Variants in GREB1L observed in about 807,000 individuals in gnomAD.
GREB1L encodes the protein GREB1-like protein.
In GREB1L, 17 loss-of-function variants were observed where a neutral mutation model predicts 200.8. That is an observed-to-expected ratio of 0.08 (90% confidence interval 0.06 to 0.13). GREB1L has a LOEUF of 0.13. GREB1L is among the 10% of genes least tolerant of loss of function. GREB1L has a pLI of 1.00. For synonymous variants in GREB1L, 789 were observed against 893.0 expected (o/e 0.88, Z 2.08); for missense variants, 1,657 against 2,367.7 (o/e 0.70, Z 6.23).
At chr18:21,441,768 A>G (rs1232544563) in intron 10 of GREB1L, among the ~76,000 whole-genome samples, 1 of 152,182 alleles carries the variant, frequency 6.6e-6, no homozygotes, top group East Asian at 1.9e-4. Flanking sequence ...CTCACCTCGC[A>G]TGAGCCACCA....
At chr18:21,443,264 G>T (rs181958363) in intron 10 of GREB1L, among the ~76,000 whole-genome samples, 10 of 151,392 alleles carry the variant, frequency 6.6e-5, no homozygotes, top group African/African-American at 2.4e-4. Flanking sequence ...GTGCAGTGGC[G>T]CGATCTCGGC....
intron 31 of GREB1L, 44 bp from the exon 32 acceptor site, chr18:21,520,644 C>G: frequency 6.5e-7 from 1 of 1,548,882 alleles, no homozygotes; most frequent in Non-Finnish European, 8.7e-7. Context: ...AGATATTTTG[C>G]TTGCTCTTGA....
rs1415277701 is a variant in GREB1L, at chr18:21,485,701, C to A, written c.2638C>A (p.Leu880Ile). 7 of 1,551,568 alleles carry A rather than the reference C, an allele frequency of 4.5e-6. No individual in the cohort carries two copies. The East Asian group carries it at 1.7e-4, about 38-fold the overall frequency. Residue 880 changes from leucine to isoleucine, a missense_variant, in exon 18 of 33, where the codon CTT (leucine) becomes ATT (isoleucine). Leu to Ile is a conservative substitution (Grantham distance 5). Transcript: ENST00000424526. ...KSLQWGITSP[L>I]LRCDETFEKM... ...TCTGCAGTGGGGGATCACGAGCCCACTTCTGAGATGTGACGAGACTTTTGA... is the reference window on the plus strand; with the variant it reads ...TCTGCAGTGGGGGATCACGAGCCCAATTCTGAGATGTGACGAGACTTTTGA...
At chr18:21,501,124 A>G (rs898757054) in intron 23 of GREB1L, among the ~76,000 whole-genome samples, 1 of 151,600 alleles carries the variant, frequency 6.6e-6, no homozygotes, top group African/African-American at 2.4e-5. Context: ...GTGCCCGGCA[A>G]ATAGTTCTGA....
At chr18:21,462,866 A>G (rs1287952086) in intron 15 of GREB1L, among the ~76,000 whole-genome samples, 1 of 152,220 alleles carries the variant, frequency 6.6e-6, no homozygotes, top group Non-Finnish European at 1.5e-5. Context: ...GGAAAGGCAA[A>G]CTTAAAATTT....
At position 21,395,523 on chromosome 18, in the gene GREB1L, G is replaced by A. The variant is rs767125568; in HGVS notation, c.494G>A (p.Arg165Gln). Residue 165 changes from arginine to glutamine, a missense_variant, in exon 5 of 33, where the codon CGA (arginine) becomes CAA (glutamine). Transcript: ENST00000424526. ...ATCCTAGTTTGTGCTGTGGACAAGC[G>A]ATTTCTACCAGATGATCATGGAAAA... The part of the protein sequence containing the change: ...EHILVCAVDK[R>Q]FLPDDHGKNA... 39 of 1,550,102 alleles carry A rather than the reference G, an allele frequency of 2.5e-5. No homozygotes were observed. Among genetic ancestry groups the A allele is most frequent in the Admixed American group, 3.9e-5 (2 of 50,692 alleles).
intron 4 of GREB1L, among the ~76,000 whole-genome samples, chr18:21,389,594 C>T (rs2040709064): frequency 6.6e-6 from 1 of 152,064 alleles, no homozygotes; most frequent in South Asian, 2.1e-4. Context: ...AATCTCTCTT[C>T]CCTAGAAAAT....
In GREB1L at chr18:21,464,501, G is replaced by A. The variant is rs563384017; in HGVS notation, c.2183-8530G>A. Among the ~76,000 whole-genome samples the A allele has an allele frequency of 4.9e-5, 7 of 143,360 alleles. No individual in the cohort carries two copies. In the East Asian group the frequency reaches 8.2e-4, roughly 17 times the overall value. 94.0% of individuals were successfully genotyped at this position (143,360 alleles called of 152,430 possible). ...AGAGGTTGCAGTGAGCCGAGATCGC[G>A]CCACTGCACTCTAGCCTGGGGACAG... On this transcript the variant is annotated intron_variant, in intron 15 of 32. Transcript: ENST00000424526.
chr18:21,352,579 G>T (rs2143339346), intron 1 of GREB1L, among the ~76,000 whole-genome samples: 1 of 151,790 alleles, frequency 6.6e-6, no homozygotes, highest in East Asian at 2.0e-4. Flanking sequence ...GATTGCAGGT[G>T]CATGCCACCA....
chr18:21,521,128 C>T (rs948711371), intron 32 of GREB1L, among the ~76,000 whole-genome samples: 4 of 151,862 alleles, frequency 2.6e-5, no homozygotes, highest in Non-Finnish European at 4.4e-5. Flanking sequence ...ACCTGGGAGG[C>T]GGAGCTTGTA....
intron 2 of GREB1L, 148 bp from the exon 3 acceptor site, chr18:21,383,362 C>G: frequency 3.4e-6 from 2 of 593,248 alleles, no homozygotes; most frequent in Non-Finnish European, 5.4e-6. Context: ...CTTACACAAG[C>G]TGTCTTAAGA....
chr18:21,402,589 G>C (rs943966814), intron 6 of GREB1L, among the ~76,000 whole-genome samples: 1 of 149,298 alleles, frequency 6.7e-6, no homozygotes, highest in African/African-American at 2.5e-5. Context: ...CTGGACTGCA[G>C]TGGCTCACTG....
intron 4 of GREB1L, among the ~76,000 whole-genome samples, chr18:21,385,622 CT>C (rs1450306877): frequency 2.0e-5 from 3 of 152,132 alleles, no homozygotes; most frequent in Non-Finnish European, 2.9e-5. Context: ...TAATACAGGC[CT>C]TTAAGCCTGT....
intron 10 of GREB1L, among the ~76,000 whole-genome samples, chr18:21,443,115 G>A (rs2033994400): frequency 6.6e-6 from 1 of 152,128 alleles, no homozygotes; most frequent in Admixed American, 6.5e-5. Context: ...TGTTGGCCAG[G>A]CTGGTCTCAA....
rs762798949 is a variant in GREB1L, at chr18:21,522,666, C to T, written c.5617C>T (p.Leu1873=). The T allele has an allele frequency of 7.7e-6, 12 of 1,551,354 alleles. No homozygotes were observed. In the South Asian group the frequency reaches 1.1e-4, roughly 14 times the overall value. The change falls in exon 33 of 33, where the codon CTG becomes TTG. Residue 1873 remains leucine, a synonymous_variant. Coordinates refer to ENST00000424526, the MANE Select transcript of GREB1L (RefSeq NM_001142966.3). ...KKFKFLKGAT[L]CVICQDRSSL... ...TGTCTTTTTTCCTGAAGGTGCTACA[C>T]TGTGTGTCATCTGCCAAGACAGAAG...
chr18:21,319,758 A>G (rs1458364466), intron 1 of GREB1L, among the ~76,000 whole-genome samples: 2 of 152,200 alleles, frequency 1.3e-5, no homozygotes, highest in African/African-American at 4.8e-5. Context: ...TGAAGATCGG[A>G]GACAAAGCTG....
intron 19 of GREB1L, among the ~76,000 whole-genome samples, chr18:21,493,749 G>A (rs1468779061): frequency 1.3e-5 from 2 of 150,430 alleles, no homozygotes; most frequent in African/African-American, 4.9e-5. Flanking sequence ...GCCTGTAATC[G>A]CAGCTACTCA....
intron 7 of GREB1L, among the ~76,000 whole-genome samples, chr18:21,416,745 G>A (rs1302013290): frequency 3.3e-5 from 5 of 151,492 alleles, no homozygotes; most frequent in African/African-American, 1.2e-4. Flanking sequence ...ATTGCTCAAG[G>A]CTGGGCACAG....
At chr18:21,356,711 A>G (rs1358961092) in intron 1 of GREB1L, among the ~76,000 whole-genome samples, 2 of 152,172 alleles carry the variant, frequency 1.3e-5, no homozygotes, top group African/African-American at 4.8e-5. Context: ...GCTGGACCAT[A>G]TGGTAGTTCT....
Sources: gnomAD v4.1 joint callset for allele counts (sites outside exome capture counted in the v4.1 genomes callset) on GRCh38, gnomAD v4.1.1 for gene constraint, MANE v1.5 for transcripts, NCBI Gene and HGNC (gene_info 2026-07-23, HGNC 2026-07-21) for gene names.